The following ENTHD1 variants were observed in gnomAD, a reference collection of about 807,000 sequenced individuals.
ENTHD1 encodes ENTH domain-containing protein 1.
Under a neutral mutation model 39.1 loss-of-function variants are expected in ENTHD1, and 23 were observed. The observed-to-expected ratio is 0.59, with a 90% CI of 0.42 to 0.83. The LOEUF is 0.83. Ranked by LOEUF, ENTHD1 falls within the 40% of genes least tolerant of loss-of-function variation. ENTHD1 has a pLI of 0.00. For missense variants in ENTHD1, 624 were observed against 705.4 expected, an observed-to-expected ratio of 0.88 and a Z score of 1.31; for synonymous variants, 230 against 258.2, an observed-to-expected ratio of 0.89 and a Z score of 1.05.
At chr22:39,778,567 C>G (rs2065383626) in intron 5 of ENTHD1, among the ~76,000 whole-genome samples, 1 of 152,128 alleles carries the variant, frequency 6.6e-6, no homozygotes, top group Admixed American at 6.5e-5. Flanking sequence ...CATAAATGTT[C>G]TATTATTCAA....
intron 3 of ENTHD1, among the ~76,000 whole-genome samples, chr22:39,854,566 C>A (rs1180690765): frequency 6.6e-6 from 1 of 152,138 alleles, no homozygotes; most frequent in African/African-American, 2.4e-5. Context: ...TATAATTGTC[C>A]TTTTTGTATT....
chr22:39,783,058 C>T (rs1016989591), intron 5 of ENTHD1, among the ~76,000 whole-genome samples: 1 of 152,116 alleles, frequency 6.6e-6, no homozygotes, highest in African/African-American at 2.4e-5. Flanking sequence ...ATTGTTAGAA[C>T]TTATTAACAA....
chr22:39,796,550 A>G (rs1165841319), intron 5 of ENTHD1, among the ~76,000 whole-genome samples: 11 of 152,130 alleles, frequency 7.2e-5, no homozygotes, highest in Non-Finnish European at 1.3e-4. Flanking sequence ...ATTACAGGTG[A>G]GCCACCATGC....
At chr22:39,808,858 A>C (rs2065663649) in intron 5 of ENTHD1, among the ~76,000 whole-genome samples, 1 of 152,158 alleles carries the variant, frequency 6.6e-6, no homozygotes, top group Non-Finnish European at 1.5e-5. Flanking sequence ...TTATCAATGA[A>C]AGCCTTTAGT....
At chr22:39,766,806 T>G (rs895018695) in intron 5 of ENTHD1, among the ~76,000 whole-genome samples, 1 of 152,180 alleles carries the variant, frequency 6.6e-6, no homozygotes, top group Non-Finnish European at 1.5e-5. Flanking sequence ...TTAGCAAAAA[T>G]ACTGCTGGTA....
chr22:39,745,146 A>C (rs913376133), intron 6 of ENTHD1, among the ~76,000 whole-genome samples: 5 of 152,188 alleles, frequency 3.3e-5, no homozygotes, highest in African/African-American at 9.7e-5. Flanking sequence ...GTTCTGAGAA[A>C]TCTTCGGTAA....
intron 4 of ENTHD1, among the ~76,000 whole-genome samples, chr22:39,827,227 G>A (rs1203352706): frequency 6.6e-6 from 1 of 152,062 alleles, no homozygotes; most frequent in Non-Finnish European, 1.5e-5. Context: ...GTATTAGCCA[G>A]GATGGTCTCG....
intron 5 of ENTHD1, among the ~76,000 whole-genome samples, chr22:39,768,174 CG>C (rs2065293076): frequency 6.6e-6 from 1 of 152,124 alleles, no homozygotes; most frequent in African/African-American, 2.4e-5. Flanking sequence ...CTATGCAATG[CG>C]TCAAATTATT....
intron 2 of ENTHD1, among the ~76,000 whole-genome samples, chr22:39,882,242 T>C (rs1040802858): frequency 6.6e-5 from 10 of 152,308 alleles, no homozygotes; most frequent in African/African-American, 2.4e-4. Flanking sequence ...CAATAAAATA[T>C]ACCATAAAAA....
At chr22:39,876,890 G>A (rs938249479) in intron 2 of ENTHD1, among the ~76,000 whole-genome samples, 2 of 152,090 alleles carry the variant, frequency 1.3e-5, no homozygotes, top group African/African-American at 4.8e-5. Flanking sequence ...AATATATATT[G>A]AGTGATCCTA....
In ENTHD1 at chr22:39,887,853, C is replaced by A; in HGVS notation, c.-105G>T. The A allele has an allele frequency of 1.4e-6, 1 of 728,896 alleles. No homozygotes were observed. The highest frequency in any genetic ancestry group is 2.2e-6 in the Non-Finnish European group (1 of 459,156). The allele number at this position is 728,896 out of a possible 1,614,324, so 45.2% of individuals were successfully genotyped here. On this transcript the variant is annotated 5_prime_UTR_variant, in exon 2 of 7. Transcript: ENST00000325157. ...GACAGGTAATTGGTCCCCAGTTCTG[C>A]TGCTCCCAAATACAAATAATTAATC...
rs545328465 is a variant in ENTHD1 at position 39,807,917 on chromosome 22, A to G, written c.832+13076T>C. On this transcript the variant is annotated intron_variant, in intron 5 of 6. Transcript: ENST00000325157. The stretch of plus-strand genomic sequence containing the variant: ...TGTGTGTGTGTGTGTGTGTGTGTAT[A>G]TATATACTGGGTCATGACATAAAAG... Among the ~76,000 whole-genome samples the G allele has an allele frequency of 3.4e-3, 504 of 149,734 alleles. 4 individuals carry two copies. Among genetic ancestry groups the G allele is most frequent in the African/African-American group, 0.011 (432 of 40,602 alleles).
intron 2 of ENTHD1, among the ~76,000 whole-genome samples, chr22:39,877,758 A>T (rs1382365707): frequency 4.6e-5 from 7 of 152,202 alleles, no homozygotes; most frequent in Non-Finnish European, 1.0e-4. Context: ...TGCCCTTAGG[A>T]GAAGCTAGTT....
chr22:39,829,702 A>G (rs2065852797), intron 4 of ENTHD1, among the ~76,000 whole-genome samples: 1 of 151,880 alleles, frequency 6.6e-6, no homozygotes, highest in Non-Finnish European at 1.5e-5. Context: ...GAGGCAGGAC[A>G]ATCACTTGAA....
intron 1 of ENTHD1, among the ~76,000 whole-genome samples, chr22:39,890,639 T>C (rs1431466176): frequency 6.6e-6 from 1 of 152,212 alleles, no homozygotes; most frequent in Non-Finnish European, 1.5e-5. Flanking sequence ...TTAAAAACTG[T>C]TTTCTTAAAT....
chr22:39,748,452 C>T (rs1237159661), intron 6 of ENTHD1, among the ~76,000 whole-genome samples: 2 of 150,936 alleles, frequency 1.3e-5, no homozygotes, highest in South Asian at 2.1e-4. Flanking sequence ...GACGGAGTCT[C>T]GCTCTGTTGC....
chr22:39,879,550 T>C (rs759173301), intron 2 of ENTHD1, among the ~76,000 whole-genome samples: 1 of 146,598 alleles, frequency 6.8e-6, no homozygotes, highest in Non-Finnish European at 1.5e-5. Context: ...ATCAGAGACA[T>C]GCACACTAAA....
At chr22:39,857,629 C>G (rs1442234597) in intron 3 of ENTHD1, among the ~76,000 whole-genome samples, 3 of 152,078 alleles carry the variant, frequency 2.0e-5, no homozygotes, top group African/African-American at 7.2e-5. Context: ...CTGCTGTTCC[C>G]TCTGCCTGAT....
At chr22:39,829,435 CA>C (rs1209337954) in intron 4 of ENTHD1, among the ~76,000 whole-genome samples, 1 of 151,390 alleles carries the variant, frequency 6.6e-6, no homozygotes, top group African/African-American at 2.4e-5. Context: ...TAGGATTATT[CA>C]AGTCTATTTT....
Sources: gnomAD v4.1 joint callset for allele counts (sites outside exome capture counted in the v4.1 genomes callset) on GRCh38, gnomAD v4.1.1 for gene constraint, MANE v1.5 for transcripts, NCBI Gene and HGNC (gene_info 2026-07-23, HGNC 2026-07-21) for gene names.